The following MOSPD3 variants were observed in gnomAD, a reference collection of about 807,000 sequenced individuals.
MOSPD3 encodes the protein motile sperm domain-containing protein 3.
In MOSPD3, 20 loss-of-function variants were observed where a neutral mutation model predicts 23.3. The observed-to-expected ratio is 0.86, with a 90% CI of 0.61 to 1.25. MOSPD3 has a LOEUF of 1.25. MOSPD3 is among the 50% of genes most tolerant of loss of function. MOSPD3 has a pLI of 0.00. For synonymous variants in MOSPD3, 136 were observed against 135.2 expected, an observed-to-expected ratio of 1.01 and a Z score of -0.04; for missense variants, 307 against 315.7, an observed-to-expected ratio of 0.97 and a Z score of 0.21.
intron 1 of MOSPD3, 44 bp from the exon 2 acceptor site, chr7:100,613,150 G>C: frequency 6.2e-7 from 1 of 1,605,078 alleles, no homozygotes; most frequent in African/African-American, 1.3e-5. Context: ...GGACTTAAAT[G>C]ACCCACATGG....
In MOSPD3 at chr7:100,613,583, G is replaced by C; in HGVS notation, c.388G>C (p.Asp130His). The C allele has an allele frequency of 6.2e-7, 1 of 1,614,148 alleles. No homozygotes were observed. The highest frequency in any genetic ancestry group is 8.5e-7 in the Non-Finnish European group (1 of 1,180,028). The change falls in exon 3 of 5, where the codon GAC becomes CAC. Residue 130 changes from aspartate to histidine, a missense_variant. Asp to His is a moderately conservative substitution (Grantham distance 81). Coordinates refer to ENST00000393950, the MANE Select transcript of MOSPD3 (RefSeq NM_023948.5). ...GAEGRVVGRK[D>H]ITSILRAPAY... ...TGAGGGCCGAGTGGTGGGACGCAAG[G>C]ACATTACCTCCATTCTGAGAGCCCC...
intron 2 of MOSPD3, 66 bp downstream of exon 2, chr7:100,613,335 G>A (rs918246244): frequency 1.9e-6 from 3 of 1,565,138 alleles, no homozygotes; most frequent in Admixed American, 1.7e-5. Flanking sequence ...GTTGTCTGAG[G>A]TCTGAGACCT....
At position 100,614,950 on chromosome 7, in the gene MOSPD3, C is replaced by A; in HGVS notation, c.595C>A (p.Leu199Ile). 1 of 1,614,090 alleles carries A rather than the reference C, an allele frequency of 6.2e-7. No homozygotes were observed. Among genetic ancestry groups the A allele is most frequent in the Non-Finnish European group, 8.5e-7 (1 of 1,179,964 alleles). Residue 199 changes from leucine (L) to isoleucine (I), a missense_variant, in exon 4 of 5, where the codon CTC becomes ATC. Transcript: ENST00000393950. ...IVSVAFLLLPLPDELGSQLPQ... is the reference protein window; with the variant it reads ...IVSVAFLLLPIPDELGSQLPQ... Reference sequence around the variant, plus strand: ...GTCTGTGGCCTTCCTGCTGCTCCCACTCCCGGACGAACTCGGCAGCCAGCT... The same window carrying A: ...GTCTGTGGCCTTCCTGCTGCTCCCAATCCCGGACGAACTCGGCAGCCAGCT...
Position 100,615,374 on chromosome 7 carries a change from A to T in MOSPD3, c.*191A>T. 1 of 582,248 alleles carries T rather than the reference A, an allele frequency of 1.7e-6. No individual in the cohort carries two copies. The highest frequency in any genetic ancestry group is 3.0e-6 in the Non-Finnish European group (1 of 336,998). The allele number at this position is 582,248 out of a possible 1,614,324, so 36.1% of individuals were successfully genotyped here. ...TTGAATAAAATACATTTTTAAAATGATAATCAGAAATGTAGGGTACTTGCC... is the reference window on the plus strand; with the variant it reads ...TTGAATAAAATACATTTTTAAAATGTTAATCAGAAATGTAGGGTACTTGCC... On this transcript the variant is annotated 3_prime_UTR_variant, in exon 5 of 5. Coordinates refer to ENST00000393950, the MANE Select transcript of MOSPD3 (RefSeq NM_023948.5).
chr7:100,614,735 T>TC (rs1262234422), intron 3 of MOSPD3, 132 bp from the exon 4 acceptor site: 9 of 1,042,690 alleles, frequency 8.6e-6, no homozygotes, highest in Non-Finnish European at 1.2e-5. Context: ...GTAGTGAGAC[T>TC]CCATCTCTAC....
chr7:100,612,341 G>T (rs1466966071), upstream of MOSPD3: 6 of 153,438 alleles, frequency 3.9e-5, no homozygotes, highest in African/African-American at 1.4e-4. Flanking sequence ...AGGTCTCCCA[G>T]GAAGCAGGCG....
In MOSPD3 at chr7:100,615,261, A is replaced by G; in HGVS notation, c.*78A>G. ...GCAGCCACTGTGATGCTCATACCTT[A>G]CCTTGCCTCCTACCCTCTTCTCTTT... On this transcript the variant is annotated 3_prime_UTR_variant, in exon 5 of 5. Coordinates refer to ENST00000393950, the MANE Select transcript of MOSPD3 (RefSeq NM_023948.5). 1.5e-6 allele frequency: 2 copies of G among 1,368,426 alleles called. No homozygotes were observed. Among genetic ancestry groups the G allele is most frequent in the South Asian group, 1.3e-5 (1 of 77,696 alleles). The allele number at this position is 1,368,426 out of a possible 1,614,324, so 84.8% of individuals were successfully genotyped here.
chr7:100,614,201 C>T (rs148152275), intron 3 of MOSPD3, among the ~76,000 whole-genome samples: 258 of 152,236 alleles, frequency 1.7e-3, no homozygotes, highest in African/African-American at 5.8e-3. Context: ...TGATGGCTCA[C>T]GCCTATAATC....
Position 100,613,610 on chromosome 7 carries a change from G to T in MOSPD3, c.415G>T (p.Ala139Ser), listed in dbSNP as rs1168265465. Residue 139 changes from alanine (A) to serine (S), a missense_variant, in exon 3 of 5, where the codon GCG becomes TCG. By Grantham distance (99) the Ala-to-Ser change is moderately conservative. Transcript: ENST00000393950. Reference sequence around the variant, plus strand: ...CATTACCTCCATTCTGAGAGCCCCAGCGTACCCCCTTGAGCTTCAGGGACA... The same window carrying T: ...CATTACCTCCATTCTGAGAGCCCCATCGTACCCCCTTGAGCTTCAGGGACA... ...KDITSILRAP[A>S]YPLELQGQPD... 1 of 1,614,182 alleles carries T rather than the reference G, an allele frequency of 6.2e-7. No homozygotes were observed. The highest frequency in any genetic ancestry group is 1.7e-5 in the Admixed American group (1 of 60,016).
rs749909599 is a variant in MOSPD3 at position 100,613,525 on chromosome 7, C to T, written c.330C>T (p.Asp110=). ...APIPSHYDVQ[D]RFRIELSEEG... is the part of the protein sequence containing the mutation. Reference sequence around the variant, plus strand: ...TTCCCAGCCACTATGATGTCCAGGACCGCTTCCGCATTGAGCTGTCTGAGG... The same window carrying T: ...TTCCCAGCCACTATGATGTCCAGGATCGCTTCCGCATTGAGCTGTCTGAGG... The change falls in exon 3 of 5, where the codon GAC becomes GAT. Residue 110 remains aspartate, a synonymous_variant. Coordinates refer to ENST00000393950, the MANE Select transcript of MOSPD3 (RefSeq NM_023948.5). 1 of 1,614,206 alleles carries T rather than the reference C, an allele frequency of 6.2e-7. No individual in the cohort carries two copies. Among genetic ancestry groups the T allele is most frequent in the South Asian group, 1.1e-5 (1 of 91,086 alleles).
At position 100,615,240 on chromosome 7, in the gene MOSPD3, C is replaced by A; in HGVS notation, c.*57C>A. 1 of 1,541,634 alleles carries A rather than the reference C, an allele frequency of 6.5e-7. No individual in the cohort carries two copies. Among genetic ancestry groups the A allele is most frequent in the Non-Finnish European group, 8.9e-7 (1 of 1,122,154 alleles). On this transcript the variant is annotated 3_prime_UTR_variant, in exon 5 of 5. Transcript: ENST00000393950. ...CTCCCTGGGCAGGGTCTTGAGGCAGCCACTGTGATGCTCATACCTTACCTT... is the reference window on the plus strand; with the variant it reads ...CTCCCTGGGCAGGGTCTTGAGGCAGACACTGTGATGCTCATACCTTACCTT...
At position 100,612,864 on chromosome 7, in the gene MOSPD3, C is replaced by T. The variant is rs765215018; in HGVS notation, c.73C>T (p.Pro25Ser). ...CCCTGGGCGGGGGTCCCGGGGCGCC[C>T]CTCCTCCCTTGGGACCCGTTGTCCC... ...GPPGRGSRGA[P>S]PPLGPVVPVL... The change falls in exon 1 of 5, where the codon CCT (proline) becomes TCT (serine). Residue 25 changes from proline to serine, a missense_variant. By Grantham distance (74) the Pro-to-Ser change is moderately conservative. Transcript: ENST00000393950. 3.2e-5 allele frequency: 52 copies of T among 1,612,650 alleles called. No homozygotes were observed. Among genetic ancestry groups the T allele is most frequent in the Middle Eastern group, 3.3e-4 (2 of 6,074 alleles).
rs200656454 is a variant in MOSPD3 at position 100,613,527 on chromosome 7, G to A, written c.332G>A (p.Arg111His). ...PIPSHYDVQD[R>H]FRIELSEEGA... ...CCCAGCCACTATGATGTCCAGGACC[G>A]CTTCCGCATTGAGCTGTCTGAGGAA... is the stretch of plus-strand genomic sequence containing the variant. The change falls in exon 3 of 5, where the codon CGC becomes CAC. Residue 111 changes from arginine (R) to histidine (H), a missense_variant. By Grantham distance (29) the Arg-to-His change is conservative. Transcript: ENST00000393950. 72 of 1,614,210 alleles carry A rather than the reference G, an allele frequency of 4.5e-5. No homozygotes were observed. In the East Asian group the frequency reaches 1.2e-3, roughly 26 times the overall value.
intron 3 of MOSPD3, 152 bp from the exon 4 acceptor site, chr7:100,614,715 C>A: frequency 2.3e-6 from 2 of 880,472 alleles, no homozygotes; most frequent in Non-Finnish European, 3.3e-6. Flanking sequence ...TCCAGACCAG[C>A]CTGGACAACG....
Position 100,615,274 on chromosome 7 carries a change from C to T in MOSPD3, c.*91C>T. 3 of 1,217,442 alleles carry T rather than the reference C, an allele frequency of 2.5e-6. No individual in the cohort carries two copies. Among genetic ancestry groups the T allele is most frequent in the Admixed American group, 2.2e-5 (1 of 44,862 alleles). The allele number at this position is 1,217,442 out of a possible 1,614,324, so 75.4% of individuals were successfully genotyped here. ...TGCTCATACCTTACCTTGCCTCCTA[C>T]CCTCTTCTCTTTCCTGCCTACTCCC... On this transcript the variant is annotated 3_prime_UTR_variant, in exon 5 of 5. Coordinates refer to ENST00000393950, the MANE Select transcript of MOSPD3 (RefSeq NM_023948.5).
In MOSPD3 at chr7:100,613,217, T is replaced by C; in HGVS notation, c.229T>C (p.Tyr77His). 2 of 1,614,066 alleles carry C rather than the reference T, an allele frequency of 1.2e-6. No homozygotes were observed. Among genetic ancestry groups the C allele is most frequent in the Non-Finnish European group, 1.7e-6 (2 of 1,179,998 alleles). ...FRVLCTAPAK[Y>H]TVFDAEGYVK... ...AGTCCTGTGCACAGCACCTGCCAAA[T>C]ACACGGTGTTTGACGCAGAGGGATA... Residue 77 changes from tyrosine to histidine, a missense_variant, in exon 2 of 5, where the codon TAC becomes CAC. Physicochemically the swap from Tyr to His is moderately conservative, Grantham distance 83. Coordinates refer to ENST00000393950, the MANE Select transcript of MOSPD3 (RefSeq NM_023948.5).
chr7:100,613,290 G>C, intron 2 of MOSPD3, 21 bp downstream of exon 2: 1 of 1,612,574 alleles, frequency 6.2e-7, no homozygotes, highest in Non-Finnish European at 8.5e-7. Flanking sequence ...TGGGAGGGTG[G>C]GGAGGCTTGT....
Position 100,613,615 on chromosome 7 carries a change from C to A in MOSPD3, c.420C>A (p.Tyr140Ter), listed in dbSNP as rs762517812. The change falls in exon 3 of 5, where the codon TAC becomes TAA. Residue 140 changes from tyrosine (Y) to a stop codon, truncating the protein, a stop_gained. Coordinates refer to ENST00000393950, the MANE Select transcript of MOSPD3 (RefSeq NM_023948.5). LOFTEE classifies it high-confidence loss of function. ...CCTCCATTCTGAGAGCCCCAGCGTA[C>A]CCCCTTGAGCTTCAGGGACAGCCAG... ...DITSILRAPA[Y>*]PLELQGQPDP... 3 of 1,614,144 alleles carry A rather than the reference C, an allele frequency of 1.9e-6. No individual in the cohort carries two copies. The highest frequency in any genetic ancestry group is 3.3e-5 in the Admixed American group (2 of 60,020).
In MOSPD3 at chr7:100,613,488, A is replaced by G. The variant is rs1271622010; in HGVS notation, c.293A>G (p.His98Arg). ...TACCTTGGGACCAGTGTGATTCGCC[A>G]TGTGGCACCCATTCCCAGCCACTAT... ...PQSCIDIVIR[H>R]VAPIPSHYDV... Residue 98 changes from histidine to arginine, a missense_variant, in exon 3 of 5, where the codon CAT becomes CGT. Transcript: ENST00000393950. 20 of 1,614,110 alleles carry G rather than the reference A, an allele frequency of 1.2e-5. No homozygotes were observed. The highest frequency in any genetic ancestry group is 1.6e-5 in the Non-Finnish European group (19 of 1,179,992).
Sources: gnomAD v4.1 joint callset for allele counts (sites outside exome capture counted in the v4.1 genomes callset) on GRCh38, gnomAD v4.1.1 for gene constraint, MANE v1.5 for transcripts, NCBI Gene and HGNC (gene_info 2026-07-23, HGNC 2026-07-21) for gene names.